MYADM: variants seen among roughly 807,000 people sequenced by gnomAD.
MYADM encodes the protein myeloid associated differentiation marker.
For synonymous variants in MYADM, 224 were observed against 210.2 expected (o/e 1.07, Z -0.57); for missense variants, 416 against 443.4 (o/e 0.94, Z 0.56).
chr19:53,868,119 T>A lies in MYADM; in HGVS notation c.-88+176T>A, dbSNP rs112079032. ...GGACCTGGACTGTGGAGGTCATACGTCTGGAAGAGTGGGGAAGGGGACCTG... is the reference window on the plus strand; with the variant it reads ...GGACCTGGACTGTGGAGGTCATACGACTGGAAGAGTGGGGAAGGGGACCTG... On this transcript the variant is annotated intron_variant, in intron 1 of 2. Transcript: ENST00000391770. The surrounding 1 kb of genome is among the most constrained non-coding windows in gnomAD (Gnocchi z 6.3). 0.021 allele frequency among the ~76,000 whole-genome samples: 3,185 copies of A among 151,142 alleles called. 115 individuals are homozygous for A. The highest frequency in any genetic ancestry group is 0.072 in the African/African-American group (2,973 of 41,088).
chr19:53,866,107 AC>A, upstream of MYADM: 1 of 151,412 alleles, frequency 6.6e-6, no homozygotes, highest in Non-Finnish European at 1.5e-5. The surrounding 1 kb of genome is among the most constrained non-coding windows in gnomAD (Gnocchi z 4.3). Flanking sequence ...ACTCCTGCAG[AC>A]CCCCGCCTTC....
At position 53,874,652 on chromosome 19, in the gene MYADM, C is replaced by A; in HGVS notation, c.*154C>A. 2 of 791,618 alleles carry A rather than the reference C, an allele frequency of 2.5e-6. No homozygotes were observed. The highest frequency in any genetic ancestry group is 3.8e-6 in the Non-Finnish European group (2 of 521,696). The allele number at this position is 791,618 out of a possible 1,614,324, so 49.0% of individuals were successfully genotyped here. A position where few individuals can be genotyped will look rare whatever the true frequency, so the allele number is the denominator to read the frequency against. ...TTTTTCTTTCCTTCCCAATTCCTTG[C>A]ACTCTAACCAGTTCTTGGATGCATC... On this transcript the variant is annotated 3_prime_UTR_variant, in exon 3 of 3. Transcript: ENST00000391770.
In MYADM at chr19:53,868,580, AAGG is replaced by A. The variant is rs372397579; in HGVS notation, c.-88+643_-88+645del. On this transcript the variant is annotated intron_variant, in intron 1 of 2. Transcript: ENST00000391770. The surrounding 1 kb of genome is among the most constrained non-coding windows in gnomAD (Gnocchi z 6.3). Reference sequence around the variant, plus strand: ...TTCCGAAGTGCAGAAGGAGCTGGGAAAGGAGGAGAAGACAGGGCTGCGTCCCGC... The same window carrying A: ...TTCCGAAGTGCAGAAGGAGCTGGGAAAGGAGAAGACAGGGCTGCGTCCCGC... 4.5e-3 allele frequency among the ~76,000 whole-genome samples: 688 copies of A among 152,140 alleles called. 8 individuals are homozygous for A. Among genetic ancestry groups the A allele is most frequent in the African/African-American group, 0.015 (626 of 41,534 alleles).
At position 53,869,748 on chromosome 19, in the gene MYADM, C is replaced by G. The variant is rs1018948254; in HGVS notation, c.-87-6C>G. On this transcript the variant is annotated splice_polypyrimidine_tract_variant and splice_region_variant and intron_variant, in intron 1 of 2. Transcript: ENST00000391770. ...AACGGACGCTAACGGCCTACCTCCC[C>G]CTCAGGTGCTCTTACAGCCTGTTCC... is the stretch of plus-strand genomic sequence containing the variant. 6.5e-6 allele frequency: 1 copy of G among 152,714 alleles called. No individual in the cohort carries two copies. The highest frequency in any genetic ancestry group is 2.4e-5 in the African/African-American group (1 of 41,460). The allele number at this position is 152,714 out of a possible 1,614,324, so 9.5% of individuals were successfully genotyped here.
chr19:53,867,488 A>G (rs1295457135), upstream of MYADM, among the ~76,000 whole-genome samples: 1 of 151,330 alleles, frequency 6.6e-6, no homozygotes, highest in Admixed American at 6.6e-5. Flanking sequence ...CGGGGACCTG[A>G]GCTGGGGGGC....
Position 53,874,267 on chromosome 19 carries a change from G to A in MYADM, c.738G>A (p.Leu246=), listed in dbSNP as rs768166941. The A allele has an allele frequency of 1.6e-5, 25 of 1,609,682 alleles. No individual in the cohort carries two copies. The highest frequency in any genetic ancestry group is 2.0e-5 in the Non-Finnish European group (24 of 1,177,074). Residue 246 remains leucine (L), a synonymous_variant, in exon 3 of 3, where the codon CTG becomes CTA. Coordinates refer to ENST00000391770, the MANE Select transcript of MYADM (RefSeq NM_138373.5). ...FPSFLSGLAL[L]SVLLYATALV... Reference sequence around the variant, plus strand: ...GCTTCCTGTCGGGGCTGGCCTTGCTGTCTGTCCTCCTCTATGCCACCGCCC... The same window carrying A: ...GCTTCCTGTCGGGGCTGGCCTTGCTATCTGTCCTCCTCTATGCCACCGCCC...
In MYADM at chr19:53,874,424, C is replaced by T; in HGVS notation, c.895C>T (p.Leu299=). The T allele has an allele frequency of 6.2e-7, 1 of 1,614,170 alleles. No individual in the cohort carries two copies. Among genetic ancestry groups the T allele is most frequent in the Non-Finnish European group, 8.5e-7 (1 of 1,179,982 alleles). ...AWDRRLAVAI[L]TAINLLAYVA... ...GGACCGCCGACTGGCTGTGGCCATC[C>T]TGACGGCCATCAACCTACTGGCGTA... The change falls in exon 3 of 3, where the codon CTG becomes TTG. Residue 299 remains leucine (L), a synonymous_variant. Coordinates refer to ENST00000391770, the MANE Select transcript of MYADM (RefSeq NM_138373.5).
intron 2 of MYADM, among the ~76,000 whole-genome samples, chr19:53,871,138 G>A (rs2068376816): frequency 1.3e-5 from 2 of 152,224 alleles, no homozygotes; most frequent in South Asian, 4.1e-4. Context: ...GGCTGAGGCA[G>A]GAGAATCGCT....
rs1036529376 is a variant in MYADM at position 53,874,195 on chromosome 19, G to C, written c.666G>C (p.Leu222=). The change falls in exon 3 of 3, where the codon CTG becomes CTC. Residue 222 remains leucine, a synonymous_variant. Transcript: ENST00000391770. ...ICFILAAIAI[L]LNLGECTNVL... Reference sequence around the variant, plus strand: ...TCATCCTAGCGGCCATCGCCATCCTGCTGAACCTGGGGGAGTGCACCAACG... The same window carrying C: ...TCATCCTAGCGGCCATCGCCATCCTCCTGAACCTGGGGGAGTGCACCAACG... 1 of 1,613,888 alleles carries C rather than the reference G, an allele frequency of 6.2e-7. No individual in the cohort carries two copies. The highest frequency in any genetic ancestry group is 8.5e-7 in the Non-Finnish European group (1 of 1,179,894).
chr19:53,874,411 G>A lies in MYADM; in HGVS notation c.882G>A (p.Leu294=), dbSNP rs201570994. The A allele has an allele frequency of 5.0e-5, 80 of 1,614,212 alleles. No individual in the cohort carries two copies. In the East Asian group the frequency reaches 1.6e-3, roughly 33 times the overall value. ...AYYVCAWDRR[L]AVAILTAINL... is the part of the protein sequence containing the mutation. ...ACGTGTGTGCCTGGGACCGCCGACT[G>A]GCTGTGGCCATCCTGACGGCCATCA... The change falls in exon 3 of 3, where the codon CTG becomes CTA. Residue 294 remains leucine (L), a synonymous_variant. Transcript: ENST00000391770.
chr19:53,869,491 C>T (rs1033121468), intron 1 of MYADM: 7 of 152,794 alleles, frequency 4.6e-5, no homozygotes, highest in African/African-American at 1.7e-4. Context: ...GGTTCTCCCG[C>T]CACTGCCGCC....
rs916215020 is a variant in MYADM at position 53,873,380 on chromosome 19, A to AAG, written c.-2-147_-2-146insGA. On this transcript the variant is annotated intron_variant, in intron 2 of 2. Transcript: ENST00000391770. This position sits in a 1 kb window ranked among gnomAD's most constrained non-coding sequence, Gnocchi z 4.3. ...GAGCAAGACTCTGTCTCAAAAAAAAAAAAAGAAAAGAAAACCGAAAGCCCC... is the reference window on the plus strand; with the variant it reads ...GAGCAAGACTCTGTCTCAAAAAAAAAAGAAAAGAAAAGAAAACCGAAAGCCCC... The AAG allele has an allele frequency of 3.4e-6, 3 of 890,874 alleles. No homozygotes were observed. The highest frequency in any genetic ancestry group is 3.4e-5 in the African/African-American group (2 of 59,074). The allele number at this position is 890,874 out of a possible 1,614,324, so 55.2% of individuals were successfully genotyped here. A position where few individuals can be genotyped will look rare whatever the true frequency, so the allele number is the denominator to read the frequency against.
intron 2 of MYADM, among the ~76,000 whole-genome samples, chr19:53,872,505 T>TA (rs199920457): frequency 2.7e-5 from 4 of 150,744 alleles, no homozygotes; most frequent in African/African-American, 7.4e-5. Flanking sequence ...TATTTGTAAT[T>TA]AAAAAAAATT....
upstream of MYADM, among the ~76,000 whole-genome samples, chr19:53,867,710 CT>C (rs1362000364): frequency 6.6e-6 from 1 of 152,168 alleles, no homozygotes; most frequent in African/African-American, 2.4e-5. Flanking sequence ...CTCCACGCTA[CT>C]TTTACTCTGG....
chr19:53,874,239 C>T lies in MYADM; in HGVS notation c.710C>T (p.Pro237Leu). The change falls in exon 3 of 3, where the codon CCC becomes CTC. Residue 237 changes from proline to leucine, a missense_variant. Transcript: ENST00000391770. ...ECTNVLPIPF[P>L]SFLSGLALLS... ...ACCAACGTGCTACCCATCCCCTTCC[C>T]CAGCTTCCTGTCGGGGCTGGCCTTG... 6.2e-7 allele frequency: 1 copy of T among 1,610,976 alleles called. No individual in the cohort carries two copies.
chr19:53,873,585 G>T lies in MYADM; in HGVS notation c.56G>T (p.Gly19Val), dbSNP rs765279589. The change falls in exon 3 of 3, where the codon GGC (glycine) becomes GTC (valine). Residue 19 changes from glycine (G) to valine (V), a missense_variant. Physicochemically the swap from Gly to Val is moderately radical, Grantham distance 109. Coordinates refer to ENST00000391770, the MANE Select transcript of MYADM (RefSeq NM_138373.5). This position sits in a 1 kb window ranked among gnomAD's most constrained non-coding sequence, Gnocchi z 4.3. ...ACAACCACCACGACGTCATCTTCGG[G>T]CCTGGGGTCCCCCATGATCGTGGGG... is the stretch of plus-strand genomic sequence containing the variant. ...TITTTTTSSS[G>V]LGSPMIVGSP... is the part of the protein sequence containing the mutation. 2 of 1,613,260 alleles carry T rather than the reference G, an allele frequency of 1.2e-6. No individual in the cohort carries two copies. Among genetic ancestry groups the T allele is most frequent in the Non-Finnish European group, 1.7e-6 (2 of 1,179,512 alleles).
At position 53,873,497 on chromosome 19, in the gene MYADM, T is replaced by G. The variant is rs773922086; in HGVS notation, c.-2-31T>G. The G allele has an allele frequency of 4.1e-5, 65 of 1,569,228 alleles. No individual in the cohort carries two copies. The East Asian group carries it at 1.4e-3, about 35-fold the overall frequency. On this transcript the variant is annotated intron_variant, in intron 2 of 2. Transcript: ENST00000391770. The surrounding 1 kb of genome is among the most constrained non-coding windows in gnomAD (Gnocchi z 4.3). ...ACCTGGATTCTTATGTTTGTGACTG[T>G]ATAAGGACACTGTCTTTCCCCTTTT... is the stretch of plus-strand genomic sequence containing the variant.
At chr19:53,869,920 G>C (rs1568730409) in intron 2 of MYADM, 82 bp downstream of exon 2, 1 of 149,850 alleles carries the variant, frequency 6.7e-6, no homozygotes, top group Non-Finnish European at 1.5e-5. Context: ...AGGGAGGAGG[G>C]GCTGGGGGCC....
In MYADM at chr19:53,874,509, A is replaced by G; in HGVS notation, c.*11A>G. 1 of 1,574,166 alleles carries G rather than the reference A, an allele frequency of 6.4e-7. No homozygotes were observed. Among genetic ancestry groups the G allele is most frequent in the Non-Finnish European group, 8.6e-7 (1 of 1,159,852 alleles). ...TTTGTCAAGGTCTAAGACTCTCCCA[A>G]GAGGCTCCCGTTCCCTCTCCAACCT... On this transcript the variant is annotated 3_prime_UTR_variant, in exon 3 of 3. Transcript: ENST00000391770.
Sources: gnomAD v4.1 joint callset for allele counts (sites outside exome capture counted in the v4.1 genomes callset) on GRCh38, gnomAD v4.1.1 for gene constraint, Gnocchi (gnomAD v3.1) non-coding constraint, MANE v1.5 for transcripts, NCBI Gene and HGNC (gene_info 2026-07-23, HGNC 2026-07-21) for gene names.